GSTT4: variants seen among roughly 807,000 people sequenced by gnomAD.
GSTT4 encodes the protein glutathione S-transferase theta-4.
At chr22:23,990,268 T>C in the GSTT4 span, among the ~76,000 whole-genome samples, 3 of 150,480 alleles carry the variant, frequency 2.0e-5, no homozygotes, top group African/African-American at 2.4e-5. Flanking sequence ...GCAAGTCAGA[T>C]GCAGGAAAAA....
the GSTT4 span, among the ~76,000 whole-genome samples, chr22:23,992,530 T>TTC: frequency 1.4e-5 from 2 of 144,674 alleles, no homozygotes; most frequent in African/African-American, 5.1e-5. Flanking sequence ...GTGTCGGCCT[T>TTC]GTGGGCCTAC....
downstream of GSTT4, among the ~76,000 whole-genome samples, chr22:23,993,901 A>G (rs997223928): frequency 2.0e-5 from 3 of 151,554 alleles, no homozygotes; most frequent in African/African-American, 7.3e-5. Flanking sequence ...GGCCCCCAGG[A>G]TACACGTTTA....
intron 2 of GSTT4, among the ~76,000 whole-genome samples, chr22:24,002,243 G>A (rs1402777397): frequency 4.6e-5 from 7 of 152,274 alleles, no homozygotes; most frequent in African/African-American, 1.7e-4. Flanking sequence ...GGTGCTGGAT[G>A]GAGGGTGAGC....
chr22:23,991,583 G>T, the GSTT4 span, among the ~76,000 whole-genome samples: 22 of 81,662 alleles, frequency 2.7e-4, 5 homozygotes, highest in Admixed American at 1.0e-3. Flanking sequence ...GTGAGGGATG[G>T]GCAGGAACTG....
the GSTT4 span, among the ~76,000 whole-genome samples, chr22:23,990,447 A>G: frequency 3.5e-3 from 285 of 80,556 alleles, 47 homozygotes; most frequent in East Asian, 0.031. Context: ...ACGCGTCTAC[A>G]CACACCAAAA....
At position 24,002,591 on chromosome 22, in the gene GSTT4, G is replaced by A. The variant is rs540720887; in HGVS notation, c.200+1169C>T. ...CACGCCTGTAATCCCAGCACTCTGG[G>A]AGGCCGAGGCGGGGGGATCATGGGG... On this transcript the variant is annotated intron_variant, in intron 2 of 4. Transcript: ENST00000621179. 5.4e-4 allele frequency among the ~76,000 whole-genome samples: 21 copies of A among 38,880 alleles called. No individual in the cohort carries two copies. The East Asian group carries it at 8.4e-3, about 16-fold the overall frequency. 25.5% of individuals were successfully genotyped at this position (38,880 alleles called of 152,430 possible). A position where few individuals can be genotyped will look rare whatever the true frequency, so the allele number is the denominator to read the frequency against.
chr22:23,997,281 A>G (rs2034125498), downstream of GSTT4, among the ~76,000 whole-genome samples: 1 of 151,950 alleles, frequency 6.6e-6, no homozygotes, highest in Admixed American at 6.6e-5. Context: ...CAGTGGTGCA[A>G]TCATAGCTCG....
downstream of GSTT4, among the ~76,000 whole-genome samples, chr22:23,995,903 T>C (rs565967037): frequency 9.8e-5 from 15 of 152,310 alleles, no homozygotes; most frequent in Non-Finnish European, 2.2e-4. Flanking sequence ...ATGTATACTA[T>C]TGATTTTTGT....
In GSTT4 at chr22:24,000,203, C is replaced by T. The variant is rs973704342; in HGVS notation, c.400G>A (p.Glu134Lys). ...TTCTTCACCTCTTCCACTGCATGCT[C>T]CATCTTCTCAGCTGAAACTTCCTCC... ...TGEEVSAEKM[E>K]HAVEEVKNSL... The change falls in exon 4 of 5, where the codon GAG becomes AAG. Residue 134 changes from glutamate to lysine, a missense_variant. Coordinates refer to ENST00000621179, the MANE Select transcript of GSTT4 (RefSeq NM_001358664.2). 6.5e-6 allele frequency: 1 copy of T among 154,546 alleles called. No individual in the cohort carries two copies. Among genetic ancestry groups the T allele is most frequent in the Non-Finnish European group, 1.5e-5 (1 of 68,114 alleles). The allele number at this position is 154,546 out of a possible 1,614,324, so 9.6% of individuals were successfully genotyped here. A position where few individuals can be genotyped will look rare whatever the true frequency, so the allele number is the denominator to read the frequency against.
At chr22:23,989,661 C>T in the GSTT4 span, among the ~76,000 whole-genome samples, 1 of 151,068 alleles carries the variant, frequency 6.6e-6, no homozygotes, top group South Asian at 2.2e-4. Flanking sequence ...CTGGGAATCC[C>T]TGCCCCATTC....
At chr22:23,990,923 C>G in the GSTT4 span, among the ~76,000 whole-genome samples, 22 of 101,568 alleles carry the variant, frequency 2.2e-4, 9 homozygotes, top group Non-Finnish European at 2.3e-5. Flanking sequence ...GTAATCCCAA[C>G]ACTTTGGGAG....
the GSTT4 span, among the ~76,000 whole-genome samples, chr22:23,992,236 G>A: frequency 7.1e-6 from 1 of 141,212 alleles, no homozygotes; most frequent in Non-Finnish European, 1.5e-5. Flanking sequence ...GGTCATATTT[G>A]TTACACTCTA....
At chr22:23,996,226 G>T (rs1324950548), downstream of GSTT4, among the ~76,000 whole-genome samples, 1 of 152,122 alleles carries the variant, frequency 6.6e-6, no homozygotes, top group Non-Finnish European at 1.5e-5. Flanking sequence ...ACAGGTGTGA[G>T]CCACCGTGCC....
At chr22:23,993,137 A>G in the GSTT4 span, among the ~76,000 whole-genome samples, 1 of 152,074 alleles carries the variant, frequency 6.6e-6, no homozygotes, top group African/African-American at 2.4e-5. Flanking sequence ...ACTCCAATTT[A>G]CTCAAGAAAA....
chr22:24,004,311 T>G (rs1380725626), intron 1 of GSTT4: 1 of 152,820 alleles, frequency 6.5e-6, no homozygotes, highest in African/African-American at 2.4e-5. Flanking sequence ...CAGGGTCATC[T>G]TAACAGGGAA....
At chr22:23,999,964 C>T (rs1171838850) in intron 4 of GSTT4, 111 bp downstream of exon 4, 1 of 154,604 alleles carries the variant, frequency 6.5e-6, no homozygotes, top group African/African-American at 2.4e-5. Context: ...CCCATGGCAG[C>T]TCTGCCTGCC....
At chr22:23,990,701 CA>C in the GSTT4 span, among the ~76,000 whole-genome samples, 1 of 96,034 alleles carries the variant, frequency 1.0e-5, no homozygotes, top group Non-Finnish European at 2.4e-5. Context: ...CAGGGGTAGA[CA>C]GGGACTATTT....
intron 1 of GSTT4, 131 bp from the exon 2 acceptor site, chr22:24,003,978 C>T (rs1446586169): frequency 6.5e-6 from 1 of 153,182 alleles, no homozygotes; most frequent in African/African-American, 2.4e-5. Flanking sequence ...GACATTGCGT[C>T]TCACCCCAGG....
chr22:23,999,227 T>C (rs534328645), intron 4 of GSTT4, among the ~76,000 whole-genome samples: 34 of 152,290 alleles, frequency 2.2e-4, no homozygotes, highest in African/African-American at 7.7e-4. Flanking sequence ...CCCAAGATCT[T>C]TGGGAAGCCC....
Sources: allele counts gnomAD v4.1 joint callset (sites outside exome capture counted in the v4.1 genomes callset), GRCh38; gene constraint gnomAD v4.1.1; transcripts MANE v1.5; gene names NCBI Gene and HGNC (gene_info 2026-07-23, HGNC 2026-07-21).